The following NYAP2 variants were observed in gnomAD, a reference collection of about 807,000 sequenced individuals.
NYAP2 encodes the protein neuronal tyrosine-phosphorylated phosphoinositide-3-kinase adaptor 2.
In NYAP2, 23 loss-of-function variants were observed where a neutral mutation model predicts 50.4. That is an observed-to-expected ratio of 0.46 (90% confidence interval 0.33 to 0.65). NYAP2 has a LOEUF of 0.65. NYAP2 is among the 30% of genes least tolerant of loss of function. The pLI is 0.02. For missense variants in NYAP2, 885 were observed against 861.0 expected (o/e 1.03, Z -0.35); for synonymous variants, 394 against 365.2 (o/e 1.08, Z -0.90).
intron 3 of NYAP2, among the ~76,000 whole-genome samples, chr2:225,505,841 C>T (rs1263274207): frequency 3.3e-5 from 5 of 152,164 alleles, no homozygotes; most frequent in African/African-American, 1.2e-4. Context: ...CCAGGTCTTC[C>T]TCAAGGCCTG....
At chr2:225,445,961 A>C in intron 3 of NYAP2, among the ~76,000 whole-genome samples, 1 of 152,070 alleles carries the variant, frequency 6.6e-6, no homozygotes, top group East Asian at 1.9e-4. Flanking sequence ...CTCAACTGTA[A>C]AACTAGTGTA....
intron 3 of NYAP2, among the ~76,000 whole-genome samples, chr2:225,470,058 T>A (rs1208384241): frequency 6.6e-6 from 1 of 152,146 alleles, no homozygotes; most frequent in Non-Finnish European, 1.5e-5. Context: ...AACAGGCCTG[T>A]TCTGGAGATT....
At chr2:225,415,874 A>T (rs188787315) in intron 3 of NYAP2, among the ~76,000 whole-genome samples, 37 of 152,002 alleles carry the variant, frequency 2.4e-4, no homozygotes, top group African/African-American at 8.7e-4. Flanking sequence ...CTATGCTTTG[A>T]GCAACATAAA....
intron 3 of NYAP2, among the ~76,000 whole-genome samples, chr2:225,470,372 C>T (rs1333455362): frequency 6.6e-6 from 1 of 152,074 alleles, no homozygotes; most frequent in African/African-American, 2.4e-5. Flanking sequence ...AGTAAAATAC[C>T]GTGAGGTTTC....
At chr2:225,526,127 G>C (rs1424607071) in intron 4 of NYAP2, among the ~76,000 whole-genome samples, 1 of 152,214 alleles carries the variant, frequency 6.6e-6, no homozygotes, top group Non-Finnish European at 1.5e-5. Flanking sequence ...GAGCTTATGG[G>C]ACCCTGAGCA....
At chr2:225,621,719 T>C (rs1457233014) in intron 5 of NYAP2, among the ~76,000 whole-genome samples, 1 of 152,144 alleles carries the variant, frequency 6.6e-6, no homozygotes, top group African/African-American at 2.4e-5. Flanking sequence ...TTATTTTTTT[T>C]TTAATTATAC....
chr2:225,435,547 G>C (rs1220701008), intron 3 of NYAP2, among the ~76,000 whole-genome samples: 1 of 152,178 alleles, frequency 6.6e-6, no homozygotes, highest in Non-Finnish European at 1.5e-5. Flanking sequence ...TGTATCTACA[G>C]TCTGCTTCTT....
intron 3 of NYAP2, among the ~76,000 whole-genome samples, chr2:225,501,407 G>A (rs1690605088): frequency 6.6e-6 from 1 of 152,192 alleles, no homozygotes; most frequent in Admixed American, 6.5e-5. Flanking sequence ...TTAATTTAGA[G>A]GCTTCTACTG....
intron 5 of NYAP2, among the ~76,000 whole-genome samples, chr2:225,625,740 G>C (rs1693197805): frequency 6.6e-6 from 1 of 152,130 alleles, no homozygotes; most frequent in Admixed American, 6.5e-5. Flanking sequence ...GGAGATTCTT[G>C]CCGATGATAT....
chr2:225,451,949 T>A (rs1342885595), intron 3 of NYAP2, among the ~76,000 whole-genome samples: 1 of 152,096 alleles, frequency 6.6e-6, no homozygotes, highest in East Asian at 1.9e-4. Context: ...TACATATATA[T>A]GCACATACAC....
chr2:225,595,509 T>G (rs747412903), intron 5 of NYAP2, among the ~76,000 whole-genome samples: 1 of 152,246 alleles, frequency 6.6e-6, no homozygotes, highest in Non-Finnish European at 1.5e-5. Context: ...CATTAGTTAT[T>G]AACCACTTAC....
intron 4 of NYAP2, among the ~76,000 whole-genome samples, chr2:225,573,421 T>A (rs1692110566): frequency 6.6e-6 from 1 of 151,900 alleles, no homozygotes; most frequent in African/African-American, 2.4e-5. Context: ...TGGGCTAATT[T>A]TTGTATTTTT....
intron 4 of NYAP2, among the ~76,000 whole-genome samples, chr2:225,542,690 T>G (rs1691498143): frequency 6.6e-6 from 1 of 152,200 alleles, no homozygotes; most frequent in African/African-American, 2.4e-5. Context: ...TGTTGAGGAT[T>G]TTTGCATCAA....
At chr2:225,652,425 C>T (rs1332322376) in exon 7 of NYAP2, 1 of 152,088 alleles carries the variant, frequency 6.6e-6, no homozygotes, top group Non-Finnish European at 1.5e-5. Flanking sequence ...TCATTTAATC[C>T]TTTACAGCAT....
chr2:225,411,749 G>A (rs1350748002), intron 3 of NYAP2, among the ~76,000 whole-genome samples: 1 of 151,940 alleles, frequency 6.6e-6, no homozygotes, highest in Non-Finnish European at 1.5e-5. Flanking sequence ...TGTCAAAAGC[G>A]ATTAAAGAAG....
At chr2:225,456,489 C>G (rs1388534813) in intron 3 of NYAP2, among the ~76,000 whole-genome samples, 1 of 152,132 alleles carries the variant, frequency 6.6e-6, no homozygotes, top group African/African-American at 2.4e-5. Flanking sequence ...CAGTCAAAGA[C>G]AGGTTTATTT....
At chr2:225,485,933 G>T (rs1388317172) in intron 3 of NYAP2, among the ~76,000 whole-genome samples, 4 of 152,162 alleles carry the variant, frequency 2.6e-5, no homozygotes, top group South Asian at 2.1e-4. Context: ...TTAGATGCTA[G>T]TAGCCACACC....
At chr2:225,502,806 A>G (rs1477940844) in intron 3 of NYAP2, among the ~76,000 whole-genome samples, 2 of 152,184 alleles carry the variant, frequency 1.3e-5, no homozygotes, top group Non-Finnish European at 2.9e-5. Flanking sequence ...TTGTGAGAGA[A>G]CATCTGATCA....
chr2:225,436,739 C>CAAAA (rs755609110), intron 3 of NYAP2, among the ~76,000 whole-genome samples: 10 of 109,436 alleles, frequency 9.1e-5, no homozygotes, highest in African/African-American at 3.0e-4. Context: ...TCTGTATAGT[C>CAAAA]AAAAAAAAAA....
Sources: allele counts gnomAD v4.1 joint callset (sites outside exome capture counted in the v4.1 genomes callset), GRCh38; gene constraint gnomAD v4.1.1; transcripts MANE v1.5; gene names NCBI Gene and HGNC (gene_info 2026-07-23, HGNC 2026-07-21).